The following KCNQ3 variants were observed in gnomAD, a reference collection of about 807,000 sequenced individuals.
The protein encoded by KCNQ3 is potassium voltage-gated channel subfamily Q member 3, also known as potassium voltage-gated channel subfamily KQT member 3.
KCNQ3 carries 30 observed loss-of-function variants against 92.5 expected under a neutral mutation model. That is an observed-to-expected ratio of 0.32 (90% CI 0.24 to 0.44). The LOEUF is 0.44. Among genes scored for constraint, KCNQ3 ranks in the 20% least tolerant of loss-of-function variants. The pLI, the probability that KCNQ3 is intolerant of heterozygous loss-of-function variation, is 1.00. For synonymous variants in KCNQ3, 450 were observed against 468.8 expected (o/e 0.96, Z 0.52); for missense variants, 913 against 1,140.3 (o/e 0.80, Z 2.87).
intron 1 of KCNQ3, among the ~76,000 whole-genome samples, chr8:132,271,740 C>T (rs1457315201): frequency 1.3e-5 from 2 of 152,188 alleles, no homozygotes; most frequent in African/African-American, 4.8e-5. Flanking sequence ...TAGCTCTCCA[C>T]CCCCGGGAAG....
chr8:132,291,564 G>T (rs1406134637), intron 1 of KCNQ3, among the ~76,000 whole-genome samples: 1 of 152,140 alleles, frequency 6.6e-6, no homozygotes, highest in Non-Finnish European at 1.5e-5. Context: ...ACCACGCTTA[G>T]CTCAGACAAT....
chr8:132,307,420 G>A (rs574758503), intron 1 of KCNQ3, among the ~76,000 whole-genome samples: 16 of 152,338 alleles, frequency 1.1e-4, no homozygotes, highest in Non-Finnish European at 2.2e-4. Context: ...GAAAAGTAGA[G>A]GTAAAGTAAG....
chr8:132,277,688 G>A (rs545707997), intron 1 of KCNQ3, among the ~76,000 whole-genome samples: 3 of 152,186 alleles, frequency 2.0e-5, no homozygotes, highest in Admixed American at 6.5e-5. Flanking sequence ...GGATGAGTTC[G>A]CAGACTCGCA....
chr8:132,440,330 A>G (rs761335857), intron 1 of KCNQ3, among the ~76,000 whole-genome samples: 26 of 151,954 alleles, frequency 1.7e-4, no homozygotes, highest in Non-Finnish European at 3.4e-4. Context: ...CAGTCTTTCC[A>G]CCGTTTTCCC....
rs11342824 is a variant in KCNQ3, at chr8:132,240,182, C to CTT, written c.387-54003_387-54002dup. On this transcript the variant is annotated intron_variant, in intron 1 of 14. Transcript: ENST00000388996. Reference sequence around the variant, plus strand: ...ATATCCATAGGCCTGTGCCATGATTCTTTTTTTTTTTTTTTTTTTTTGAGA... The same window carrying CTT: ...ATATCCATAGGCCTGTGCCATGATTCTTTTTTTTTTTTTTTTTTTTTTTGAGA... Among the ~76,000 whole-genome samples, 696 of 111,794 alleles carry CTT rather than the reference C, an allele frequency of 6.2e-3. 4 individuals carry two copies. Among genetic ancestry groups the CTT allele is most frequent in the East Asian group, 0.011 (41 of 3,746 alleles). The allele number at this position is 111,794 out of a possible 152,430, so 73.3% of individuals were successfully genotyped here. A position where few individuals can be genotyped will look rare whatever the true frequency, so the allele number is the denominator to read the frequency against.
intron 1 of KCNQ3, among the ~76,000 whole-genome samples, chr8:132,453,251 G>A (rs111248619): frequency 0.031 from 4,734 of 152,248 alleles, 91 homozygotes; most frequent in Non-Finnish European, 0.038. Context: ...CGGTGAAGAC[G>A]GCGGGTACTA....
At chr8:132,423,898 T>C (rs1269816968) in intron 1 of KCNQ3, among the ~76,000 whole-genome samples, 2 of 152,156 alleles carry the variant, frequency 1.3e-5, no homozygotes, top group Non-Finnish European at 2.9e-5. Context: ...CGTATTGTAC[T>C]TCAGCTTAGT....
rs893943209 is a variant in KCNQ3 at position 132,147,294 on chromosome 8, G to A, written c.1263-5963C>T. Among the ~76,000 whole-genome samples, 8 of 152,234 alleles carry A rather than the reference G, an allele frequency of 5.3e-5. No individual in the cohort carries two copies. The East Asian group carries it at 9.7e-4, about 18-fold the overall frequency. On this transcript the variant is annotated intron_variant, in intron 9 of 14. Transcript: ENST00000388996. ...GATAAATAACCACCCCTGGTTTCTC[G>A]TTGCACAGATAAGTTGTGCAATCAC...
At chr8:132,361,631 GT>G (rs139370744) in intron 1 of KCNQ3, among the ~76,000 whole-genome samples, 644 of 152,198 alleles carry the variant, frequency 4.2e-3, no homozygotes, top group Non-Finnish European at 7.6e-3. Context: ...TAAAAGAAAT[GT>G]AAAAGGGTCA....
In KCNQ3 at chr8:132,121,068, G is replaced by A. The variant is rs1266786430; in HGVS notation, c.*8194C>T. The A allele has an allele frequency of 6.6e-6, 1 of 152,138 alleles. No individual in the cohort carries two copies. The allele number at this position is 152,138 out of a possible 1,614,324, so 9.4% of individuals were successfully genotyped here. A position where few individuals can be genotyped will look rare whatever the true frequency, so the allele number is the denominator to read the frequency against. On this transcript the variant is annotated 3_prime_UTR_variant, in exon 15 of 15. Coordinates refer to ENST00000388996, the MANE Select transcript of KCNQ3 (RefSeq NM_004519.4). ...TAAAGAGCACTAAAGGCCACTTGTG[G>A]AATAGTTGTGTTCCCCTGTAAGCCA...
intron 1 of KCNQ3, among the ~76,000 whole-genome samples, chr8:132,431,625 C>A (rs202126761): frequency 2.1e-5 from 2 of 97,100 alleles, no homozygotes; most frequent in African/African-American, 2.9e-5. Context: ...ATGGGTTGAA[C>A]TGTGGTTGGT....
In KCNQ3 at chr8:132,129,129, G is replaced by T; in HGVS notation, c.*133C>A. On this transcript the variant is annotated 3_prime_UTR_variant, in exon 15 of 15. Coordinates refer to ENST00000388996, the MANE Select transcript of KCNQ3 (RefSeq NM_004519.4). The surrounding 1 kb of genome is among the most constrained non-coding windows in gnomAD (Gnocchi z 5.9). The stretch of plus-strand genomic sequence containing the variant: ...AGAGGCTGTGGGAAGCCCCTGCCTG[G>T]GTGGGGCCACCACGCACACGCATGC... 1.9e-6 allele frequency: 2 copies of T among 1,063,182 alleles called. No homozygotes were observed. Among genetic ancestry groups the T allele is most frequent in the Non-Finnish European group, 2.8e-6 (2 of 723,722 alleles). The allele number at this position is 1,063,182 out of a possible 1,614,324, so 65.9% of individuals were successfully genotyped here. A position where few individuals can be genotyped will look rare whatever the true frequency, so the allele number is the denominator to read the frequency against.
At chr8:132,297,063 CTT>C (rs1330326784) in intron 1 of KCNQ3, among the ~76,000 whole-genome samples, 1 of 152,050 alleles carries the variant, frequency 6.6e-6, no homozygotes, top group Non-Finnish European at 1.5e-5. Flanking sequence ...TGTTTCCTGA[CTT>C]TTTAATGATC....
chr8:132,338,352 C>T (rs571547432), intron 1 of KCNQ3, among the ~76,000 whole-genome samples: 48 of 152,296 alleles, frequency 3.2e-4, no homozygotes, highest in African/African-American at 1.2e-3. Flanking sequence ...AGGAGTCCAA[C>T]CATTGGGATT....
intron 1 of KCNQ3, among the ~76,000 whole-genome samples, chr8:132,321,141 T>C (rs1012223490): frequency 3.3e-5 from 5 of 152,198 alleles, no homozygotes; most frequent in Non-Finnish European, 7.3e-5. Flanking sequence ...GTTTGGAACA[T>C]AGAGTCATCT....
At chr8:132,231,237 T>G (rs1371233759) in intron 1 of KCNQ3, among the ~76,000 whole-genome samples, 1 of 152,202 alleles carries the variant, frequency 6.6e-6, no homozygotes, top group Non-Finnish European at 1.5e-5. Flanking sequence ...TCCAGGGCTG[T>G]GATATAATAA....
At chr8:132,187,699 ATAG>A (rs1563795386) in intron 1 of KCNQ3, among the ~76,000 whole-genome samples, 4 of 141,204 alleles carry the variant, frequency 2.8e-5, no homozygotes, top group Middle Eastern at 3.5e-3. Flanking sequence ...GGTTGTGATG[ATAG>A]TGGTGGTGGT....
At chr8:132,445,934 T>C (rs1369749139) in intron 1 of KCNQ3, among the ~76,000 whole-genome samples, 2 of 152,194 alleles carry the variant, frequency 1.3e-5, no homozygotes, top group Non-Finnish European at 2.9e-5. Flanking sequence ...TTAAACACTT[T>C]ATAATTTTCC....
intron 12 of KCNQ3, among the ~76,000 whole-genome samples, chr8:132,135,042 C>T (rs894676797): frequency 2.0e-5 from 3 of 152,120 alleles, no homozygotes; most frequent in African/African-American, 7.2e-5. Context: ...CATAGGTAAA[C>T]ATGTGTCATG....
Sources: gnomAD v4.1 joint callset for allele counts (sites outside exome capture counted in the v4.1 genomes callset) on GRCh38, gnomAD v4.1.1 for gene constraint, Gnocchi (gnomAD v3.1) non-coding constraint, MANE v1.5 for transcripts, NCBI Gene and HGNC (gene_info 2026-07-23, HGNC 2026-07-21) for gene names.